Variants in CREBRF observed in about 807,000 individuals in gnomAD.
CREBRF encodes UPF0474 protein C5orf41.
CREBRF carries 5 observed loss-of-function variants against 66.1 expected under a neutral mutation model. That is an observed-to-expected ratio of 0.08 (90% confidence interval 0.04 to 0.16). The LOEUF (loss-of-function observed/expected upper bound fraction) is 0.16. Ranked by LOEUF, CREBRF falls within the 10% of genes least tolerant of loss-of-function variation. The probability of loss-of-function intolerance (pLI) is 1.00; values close to 1 mark genes in which losing one functional copy is unlikely to be tolerated. For missense variants in CREBRF, 531 were observed against 744.9 expected, an observed-to-expected ratio of 0.71 and a Z score of 3.34; for synonymous variants, 229 against 264.4, an observed-to-expected ratio of 0.87 and a Z score of 1.30.
chr5:173,065,274 G>A (rs983475612), intron 1 of CREBRF, among the ~76,000 whole-genome samples: 2 of 152,168 alleles, frequency 1.3e-5, no homozygotes, highest in South Asian at 2.1e-4. Flanking sequence ...TAAAAGATGT[G>A]TAGTGTGGGG....
chr5:173,131,838 T>C (rs1759434202), intron 8 of CREBRF, among the ~76,000 whole-genome samples: 1 of 152,066 alleles, frequency 6.6e-6, no homozygotes. Context: ...GTTCAAGTGG[T>C]TCTCCTATCT....
chr5:173,058,907 T>TG (rs1217268864), intron 1 of CREBRF, among the ~76,000 whole-genome samples: 1 of 149,194 alleles, frequency 6.7e-6, no homozygotes, highest in Non-Finnish European at 1.5e-5. Context: ...GCAATTCTCC[T>TG]GCCTCAGCCT....
chr5:173,100,845 G>T (rs1758613497), intron 4 of CREBRF, among the ~76,000 whole-genome samples: 1 of 152,088 alleles, frequency 6.6e-6, no homozygotes, highest in Non-Finnish European at 1.5e-5. Flanking sequence ...TTGTTTTCTG[G>T]GAGTCTTTTT....
intron 1 of CREBRF, 118 bp from the exon 2 acceptor site, chr5:173,080,467 T>C: frequency 2.8e-6 from 1 of 360,222 alleles, no homozygotes; most frequent in Non-Finnish European, 5.1e-6. Context: ...CCATAAGACT[T>C]ACTCATTTAA....
rs1759604805 is a variant in CREBRF at position 173,137,162 on chromosome 5, T to C, written c.*3417T>C. ...TGTATGATTCTTGTCCTTTCCTATA[T>C]CCTTCATGACAGATTATGATGTGGC... is the stretch of plus-strand genomic sequence containing the variant. On this transcript the variant is annotated 3_prime_UTR_variant, in exon 9 of 9. Transcript: ENST00000296953. 1 of 152,108 alleles carries C rather than the reference T, an allele frequency of 6.6e-6. No individual in the cohort carries two copies. The highest frequency in any genetic ancestry group is 1.5e-5 in the Non-Finnish European group (1 of 67,940). 9.4% of individuals were successfully genotyped at this position (152,108 alleles called of 1,614,324 possible).
chr5:173,100,380 G>A (rs1183207175), intron 4 of CREBRF, among the ~76,000 whole-genome samples: 3 of 151,354 alleles, frequency 2.0e-5, no homozygotes, highest in Non-Finnish European at 4.4e-5. Flanking sequence ...TTCTGAATAT[G>A]ACTGTTCTTA....
intron 1 of CREBRF, among the ~76,000 whole-genome samples, chr5:173,080,123 G>C (rs1561797777): frequency 6.6e-6 from 1 of 152,078 alleles, no homozygotes; most frequent in Non-Finnish European, 1.5e-5. Flanking sequence ...AAGTTCCATT[G>C]CTGACTATTA....
In CREBRF at chr5:173,057,529, G is replaced by C. The variant is rs557140884; in HGVS notation, c.-192+1050G>C. ...CCCCTGGGGGTGGTTCCTGGGACTA[G>C]ATGGAGCTCAGTCTCTGGATTCTCC... On this transcript the variant is annotated intron_variant, in intron 1 of 8. Transcript: ENST00000296953. 12 of 152,496 alleles carry C rather than the reference G, an allele frequency of 7.9e-5. No homozygotes were observed. The East Asian group carries it at 2.3e-3, about 29-fold the overall frequency. The allele number at this position is 152,496 out of a possible 1,614,324, so 9.4% of individuals were successfully genotyped here. A position where few individuals can be genotyped will look rare whatever the true frequency, so the allele number is the denominator to read the frequency against.
chr5:173,138,997 G>T lies in CREBRF; in HGVS notation c.*5252G>T, dbSNP rs1208498864. 6.8e-6 allele frequency: 1 copy of T among 146,250 alleles called. No homozygotes were observed. The highest frequency in any genetic ancestry group is 1.5e-5 in the Non-Finnish European group (1 of 66,034). The allele number at this position is 146,250 out of a possible 1,614,324, so 9.1% of individuals were successfully genotyped here. On this transcript the variant is annotated 3_prime_UTR_variant, in exon 9 of 9. Coordinates refer to ENST00000296953, the MANE Select transcript of CREBRF (RefSeq NM_153607.3). ...GTAATGCTATCATAAATATTCTGTA[G>T]TTTTTTTTTTTTCTCTCCCAACTGG...
chr5:173,108,809 T>C lies in CREBRF; in HGVS notation c.1408T>C (p.Leu470=). The change falls in exon 5 of 9, where the codon TTA becomes CTA. Residue 470 remains leucine (L), a synonymous_variant. Coordinates refer to ENST00000296953, the MANE Select transcript of CREBRF (RefSeq NM_153607.3). Reference sequence around the variant, plus strand: ...AAGTAATATGTATCAGAAAAATGGCTTACATCATGGTAAGAGGGGATTGCA... The same window carrying C: ...AAGTAATATGTATCAGAAAAATGGCCTACATCATGGTAAGAGGGGATTGCA... ...LPSNMYQKNG[L]HHGKYAVKKS... The C allele has an allele frequency of 6.2e-7, 1 of 1,611,594 alleles. No homozygotes were observed. Among genetic ancestry groups the C allele is most frequent in the Non-Finnish European group, 8.5e-7 (1 of 1,179,248 alleles).
chr5:173,077,135 G>A (rs1757790479), intron 1 of CREBRF, among the ~76,000 whole-genome samples: 1 of 151,902 alleles, frequency 6.6e-6, no homozygotes, highest in South Asian at 2.1e-4. Flanking sequence ...AGTAGAGACG[G>A]GGTTTCACCA....
At chr5:173,108,503 C>A in intron 4 of CREBRF, 121 bp from the exon 5 acceptor site, 1 of 777,632 alleles carries the variant, frequency 1.3e-6, no homozygotes. Flanking sequence ...CTTTGACATG[C>A]CAATGATGTT....
chr5:173,117,690 C>T lies in CREBRF; in HGVS notation c.1681+5311C>T, dbSNP rs552397352. On this transcript the variant is annotated intron_variant, in intron 7 of 8. Coordinates refer to ENST00000296953, the MANE Select transcript of CREBRF (RefSeq NM_153607.3). ...TTTCTTTTTCTCTCTCTCTCTCTCT[C>T]CTCCTCTTCCCTCCCTCTCCTTCCA... Among the ~76,000 whole-genome samples, 50 of 136,482 alleles carry T rather than the reference C, an allele frequency of 3.7e-4. 2 individuals are homozygous for T. In the South Asian group the frequency reaches 0.011, roughly 30 times the overall value. 89.5% of individuals were successfully genotyped at this position (136,482 alleles called of 152,430 possible).
chr5:173,139,055 T>C lies in CREBRF; in HGVS notation c.*5310T>C, dbSNP rs1282966663. ...ACACTTTTTATTGGATTCAGTCTTGTCTCTTGTCTAGAAAGAACTTTATCT... is the reference window on the plus strand; with the variant it reads ...ACACTTTTTATTGGATTCAGTCTTGCCTCTTGTCTAGAAAGAACTTTATCT... On this transcript the variant is annotated 3_prime_UTR_variant, in exon 9 of 9. Coordinates refer to ENST00000296953, the MANE Select transcript of CREBRF (RefSeq NM_153607.3). 6 of 152,204 alleles carry C rather than the reference T, an allele frequency of 3.9e-5. No individual in the cohort carries two copies. The highest frequency in any genetic ancestry group is 1.3e-4 in the Admixed American group (2 of 15,282). 9.4% of individuals were successfully genotyped at this position (152,204 alleles called of 1,614,324 possible).
chr5:173,094,929 C>G (rs933926730), intron 4 of CREBRF, among the ~76,000 whole-genome samples: 8 of 151,998 alleles, frequency 5.3e-5, no homozygotes, highest in Non-Finnish European at 1.2e-4. Context: ...ATGTTTAAGT[C>G]TTTAATCCAT....
intron 7 of CREBRF, among the ~76,000 whole-genome samples, chr5:173,118,779 C>T (rs1163372288): frequency 6.6e-6 from 1 of 150,730 alleles, no homozygotes. Context: ...GTGGCTCATG[C>T]CTGTAATCCT....
Position 173,134,413 on chromosome 5 carries a change from CA to C in CREBRF, c.*670del. The C allele has an allele frequency of 3.1e-6, 1 of 322,360 alleles. No individual in the cohort carries two copies. 20.0% of individuals were successfully genotyped at this position (322,360 alleles called of 1,614,324 possible). A position where few individuals can be genotyped will look rare whatever the true frequency, so the allele number is the denominator to read the frequency against. On this transcript the variant is annotated 3_prime_UTR_variant, in exon 9 of 9. Coordinates refer to ENST00000296953, the MANE Select transcript of CREBRF (RefSeq NM_153607.3). ...TGATGAAAACCCTAATGAGAAAAAA[CA>C]AGATATATAGATGGAAAAATTATGG...
chr5:173,056,523 C>T, intron 1 of CREBRF, 44 bp downstream of exon 1: 1 of 397,716 alleles, frequency 2.5e-6, no homozygotes, highest in Non-Finnish European at 4.4e-6. Flanking sequence ...GGGGCCTGGG[C>T]TGGGGGAAGA....
intron 1 of CREBRF, among the ~76,000 whole-genome samples, chr5:173,075,233 G>T (rs1757724753): frequency 6.6e-6 from 1 of 152,076 alleles, no homozygotes. Flanking sequence ...AATTTTACTT[G>T]CCTGTTTCTA....
Sources: allele counts gnomAD v4.1 joint callset (sites outside exome capture counted in the v4.1 genomes callset), GRCh38; gene constraint gnomAD v4.1.1; transcripts MANE v1.5; gene names NCBI Gene and HGNC (gene_info 2026-07-23, HGNC 2026-07-21).